PAX5: variants seen among roughly 807,000 people sequenced by gnomAD.
PAX5 encodes the protein paired box 5, also known as paired box protein Pax-5.
PAX5 carries 9 observed loss-of-function variants against 43.7 expected under a neutral mutation model. The ratio of observed to expected loss-of-function variants is 0.21; its 90% CI spans 0.12 to 0.36. PAX5 has a LOEUF of 0.36. PAX5 is among the 10% of genes least tolerant of loss of function. The probability of loss-of-function intolerance (pLI) is 1.00; values close to 1 mark genes in which losing one functional copy is unlikely to be tolerated. For missense variants in PAX5, 383 were observed against 532.7 expected, an observed-to-expected ratio of 0.72 and a Z score of 2.77; for synonymous variants, 228 against 214.3, an observed-to-expected ratio of 1.06 and a Z score of -0.56.
chr9:36,880,355 G>C (rs1384334814), intron 8 of PAX5, among the ~76,000 whole-genome samples: 4 of 152,234 alleles, frequency 2.6e-5, no homozygotes, highest in Non-Finnish European at 4.4e-5. Context: ...CCAGTGACAT[G>C]GGCTGGCTTT....
intron 6 of PAX5, among the ~76,000 whole-genome samples, chr9:36,926,217 T>C (rs1301112695): frequency 6.6e-6 from 1 of 152,172 alleles, no homozygotes; most frequent in African/African-American, 2.4e-5. Context: ...ACAATGACCC[T>C]AATGATCTTT....
At chr9:36,994,326 C>T (rs1433903428) in intron 5 of PAX5, among the ~76,000 whole-genome samples, 1 of 152,216 alleles carries the variant, frequency 6.6e-6, no homozygotes, top group Non-Finnish European at 1.5e-5. Flanking sequence ...CCCCTGCATA[C>T]CCTTGGGCCA....
chr9:36,882,603 G>T lies in PAX5; in HGVS notation c.911-498C>A, dbSNP rs1423067351. Among the ~76,000 whole-genome samples the T allele has an allele frequency of 6.6e-6, 1 of 152,096 alleles. No individual in the cohort carries two copies. Among genetic ancestry groups the T allele is most frequent in the Non-Finnish European group, 1.5e-5 (1 of 68,028 alleles). On this transcript the variant is annotated intron_variant, in intron 7 of 9. Coordinates refer to ENST00000358127, the MANE Select transcript of PAX5 (RefSeq NM_016734.3). This position sits in a 1 kb window ranked among gnomAD's most constrained non-coding sequence, Gnocchi z 4.4. The stretch of plus-strand genomic sequence containing the variant: ...TGCCTCCCTTCTCCTCTCCTCAACA[G>T]CCCCCCACAGTGAACAGGGGGCATA...
chr9:36,981,367 G>A (rs1835917942), intron 5 of PAX5, among the ~76,000 whole-genome samples: 1 of 141,324 alleles, frequency 7.1e-6, no homozygotes, highest in African/African-American at 2.6e-5. Flanking sequence ...CCAGCAACTA[G>A]GACAATACCT....
At chr9:36,910,370 C>G (rs992253032) in intron 7 of PAX5, among the ~76,000 whole-genome samples, 1 of 152,182 alleles carries the variant, frequency 6.6e-6, no homozygotes, top group Non-Finnish European at 1.5e-5. Context: ...TTATTTACAT[C>G]CCCTATGAGG....
At chr9:37,033,925 G>A (rs1181061384) in intron 1 of PAX5, 61 bp downstream of exon 1, 1 of 1,546,778 alleles carries the variant, frequency 6.5e-7, no homozygotes, top group Admixed American at 1.7e-5. Context: ...ACCCTGCGTG[G>A]GGACCAAGGC....
chr9:37,014,931 G>T, intron 3 of PAX5, 66 bp downstream of exon 3: 1 of 1,440,246 alleles, frequency 6.9e-7, no homozygotes, highest in South Asian at 1.2e-5. Flanking sequence ...AAAGGCACAT[G>T]CAGAGCCTCC....
intron 8 of PAX5, among the ~76,000 whole-genome samples, chr9:36,877,105 G>A (rs911515655): frequency 1.3e-5 from 2 of 152,188 alleles, no homozygotes; most frequent in South Asian, 2.1e-4. Context: ...GGGAAGCTGA[G>A]GCAGGAGGAT....
chr9:36,880,295 C>T (rs531411980), intron 8 of PAX5, among the ~76,000 whole-genome samples: 4 of 152,366 alleles, frequency 2.6e-5, no homozygotes, highest in East Asian at 3.9e-4. Flanking sequence ...ATCCAAGCTC[C>T]GTCCACACTC....
intron 6 of PAX5, among the ~76,000 whole-genome samples, chr9:36,929,757 C>T (rs913571303): frequency 6.6e-6 from 1 of 152,152 alleles, no homozygotes; most frequent in African/African-American, 2.4e-5. Context: ...GACAGAGTCT[C>T]GCTCTGTTGC....
At chr9:36,853,094 C>T (rs1004188936) in intron 8 of PAX5, among the ~76,000 whole-genome samples, 9 of 152,202 alleles carry the variant, frequency 5.9e-5, no homozygotes, top group African/African-American at 1.4e-4. Flanking sequence ...CTTGTCATAT[C>T]GATCTTCATC....
In PAX5 at chr9:37,002,675, C is replaced by T. The variant is rs1446457055; in HGVS notation, c.577G>A (p.Asp193Asn). 1 of 1,611,588 alleles carries T rather than the reference C, an allele frequency of 6.2e-7. No individual in the cohort carries two copies. ...GILGITSPSA[D>N]TNKRKRDEGI... is the part of the protein sequence containing the mutation. ...TCGTCTCTCTTGCGCTTGTTGGTGT[C>T]GGCGCTGGGGGACGTGATGCCCAGG... Residue 193 changes from aspartate (D) to asparagine (N), a missense_variant, in exon 5 of 10, where the codon GAC becomes AAC. Physicochemically the swap from Asp to Asn is conservative, Grantham distance 23. Around this residue, in one of 5 missense-constraint regions of PAX5, gnomAD observed 291 missense variants for 342.5 expected, o/e 0.85. Coordinates refer to ENST00000358127, the MANE Select transcript of PAX5 (RefSeq NM_016734.3).
At chr9:36,842,879 T>C (rs1189888463) in intron 9 of PAX5, among the ~76,000 whole-genome samples, 1 of 152,130 alleles carries the variant, frequency 6.6e-6, no homozygotes, top group East Asian at 1.9e-4. Context: ...CCCCAGTCCT[T>C]CTGCTTCATC....
At chr9:36,859,224 C>T (rs1823958041) in intron 8 of PAX5, among the ~76,000 whole-genome samples, 2 of 152,134 alleles carry the variant, frequency 1.3e-5, no homozygotes, top group South Asian at 4.1e-4. Flanking sequence ...TCCCTGCCCA[C>T]GGAGAGCCCA....
chr9:36,853,645 C>T (rs1167563370), intron 8 of PAX5, among the ~76,000 whole-genome samples: 1 of 152,152 alleles, frequency 6.6e-6, no homozygotes, highest in African/African-American at 2.4e-5. Context: ...GTGGGTTTCC[C>T]CCAAACAGTA....
intron 9 of PAX5, among the ~76,000 whole-genome samples, chr9:36,840,971 C>T (rs756696657): frequency 1.7e-4 from 26 of 152,312 alleles, no homozygotes; most frequent in Middle Eastern, 3.4e-3. Context: ...ACTGCTATTA[C>T]GACAGAGTTG....
chr9:36,978,800 A>C (rs1265680887), intron 5 of PAX5, among the ~76,000 whole-genome samples: 1 of 152,236 alleles, frequency 6.6e-6, no homozygotes. Flanking sequence ...AGAAGATATC[A>C]GGCCATTTCG....
intron 5 of PAX5, among the ~76,000 whole-genome samples, chr9:36,978,299 G>A (rs1056048193): frequency 6.6e-6 from 1 of 152,330 alleles, no homozygotes; most frequent in South Asian, 2.1e-4. Context: ...GATGTTAACC[G>A]CCATAGTGAA....
chr9:36,986,376 G>A (rs1436560538), intron 5 of PAX5, among the ~76,000 whole-genome samples: 4 of 148,280 alleles, frequency 2.7e-5, no homozygotes, highest in Non-Finnish European at 4.5e-5. Context: ...GCCGGCGGGG[G>A]CAGCGCCGGC....
Sources: gnomAD v4.1 joint callset for allele counts (sites outside exome capture counted in the v4.1 genomes callset) on GRCh38, gnomAD v4.1.1 for gene constraint, gnomAD v4.1.1 regional missense constraint, Gnocchi (gnomAD v3.1) non-coding constraint, MANE v1.5 for transcripts, NCBI Gene and HGNC (gene_info 2026-07-23, HGNC 2026-07-21) for gene names.